The following TULP4 variants were observed in gnomAD, a reference collection of about 807,000 sequenced individuals.
The protein encoded by TULP4 is TUB like protein 4.
A neutral mutation model predicts 129.0 loss-of-function variants in TULP4; 16 were observed. The observed-to-expected ratio is 0.12, with a 90% CI of 0.08 to 0.19. The LOEUF (loss-of-function observed/expected upper bound fraction) is 0.19, where lower values mean the gene tolerates loss of function less well. Among genes scored for constraint, TULP4 ranks in the 10% least tolerant of loss-of-function variants. TULP4 has a pLI of 1.00. For synonymous variants in TULP4, 998 were observed against 854.0 expected, an observed-to-expected ratio of 1.17 and a Z score of -2.94; for missense variants, 1,842 against 2,059.1, an observed-to-expected ratio of 0.89 and a Z score of 2.04.
intron 1 of TULP4, among the ~76,000 whole-genome samples, chr6:158,353,362 T>A (rs1426830131): frequency 6.6e-6 from 1 of 152,260 alleles, no homozygotes; most frequent in Non-Finnish European, 1.5e-5. Context: ...ATAGATTGCT[T>A]ATATCCTACT....
intron 1 of TULP4, among the ~76,000 whole-genome samples, chr6:158,395,714 C>T (rs949683123): frequency 1.4e-5 from 2 of 147,498 alleles, no homozygotes; most frequent in Admixed American, 6.8e-5. Flanking sequence ...CTAGGGGTCA[C>T]TGTTTCTGTT....
At chr6:158,351,731 T>TC (rs1780529506) in intron 1 of TULP4, among the ~76,000 whole-genome samples, 1 of 138,234 alleles carries the variant, frequency 7.2e-6, no homozygotes, top group Non-Finnish European at 1.5e-5. Context: ...TTTTTTTTTT[T>TC]TTTTTGAGAC....
At chr6:158,325,394 C>T (rs1235695189) in intron 1 of TULP4, among the ~76,000 whole-genome samples, 1 of 142,880 alleles carries the variant, frequency 7.0e-6, no homozygotes, top group Non-Finnish European at 1.5e-5. Context: ...ACTCTGTCTC[C>T]CAGGCTGGAG....
At chr6:158,442,177 A>G (rs1365489673) in intron 3 of TULP4, among the ~76,000 whole-genome samples, 4 of 152,014 alleles carry the variant, frequency 2.6e-5, no homozygotes, top group Non-Finnish European at 5.9e-5. Context: ...TTGCACCACT[A>G]TTCCCCAGCT....
At position 158,501,669 on chromosome 6, in the gene TULP4, T is replaced by G. The variant is rs774717670; in HGVS notation, c.2015-9T>G. On this transcript the variant is annotated splice_polypyrimidine_tract_variant and intron_variant, in intron 12 of 13. Transcript: ENST00000367097. ...TTGTAAGCAGTTCCTTTTTCTAATTTTCTTCCAGTGACAGGAGCATCTGGT... is the reference window on the plus strand; with the variant it reads ...TTGTAAGCAGTTCCTTTTTCTAATTGTCTTCCAGTGACAGGAGCATCTGGT... 8 of 1,600,650 alleles carry G rather than the reference T, an allele frequency of 5.0e-6. No individual in the cohort carries two copies. The South Asian group carries it at 7.7e-5, about 15-fold the overall frequency.
intron 1 of TULP4, among the ~76,000 whole-genome samples, chr6:158,293,378 T>C (rs926701111): frequency 7.2e-5 from 11 of 152,222 alleles, no homozygotes; most frequent in African/African-American, 2.4e-4. Flanking sequence ...CCCACTTCCC[T>C]AAACTGAGGC....
At chr6:158,314,331 A>G (rs930735400) in intron 1 of TULP4, 63 bp downstream of exon 1, 1 of 1,559,334 alleles carries the variant, frequency 6.4e-7, no homozygotes, top group Non-Finnish European at 8.7e-7. Flanking sequence ...CCCCTTGTGG[A>G]CTTGAAACTT....
chr6:158,367,314 G>T (rs989927492), intron 1 of TULP4, among the ~76,000 whole-genome samples: 1 of 152,200 alleles, frequency 6.6e-6, no homozygotes, highest in Non-Finnish European at 1.5e-5. Context: ...GAGGGTAGGA[G>T]GAGGAGTCGT....
At chr6:158,416,654 T>C (rs1778217031) in intron 2 of TULP4, among the ~76,000 whole-genome samples, 1 of 152,114 alleles carries the variant, frequency 6.6e-6, no homozygotes, top group African/African-American at 2.4e-5. Flanking sequence ...GAAAGAACCA[T>C]TTTTTTAATG....
At chr6:158,255,152 C>T (rs933461902) in intron 1 of TULP4, among the ~76,000 whole-genome samples, 5 of 152,172 alleles carry the variant, frequency 3.3e-5, no homozygotes, top group African/African-American at 1.2e-4. Context: ...TGGCCTCCCT[C>T]TGCATGGATC....
chr6:158,367,392 ATTGT>A (rs1353970261), intron 1 of TULP4, among the ~76,000 whole-genome samples: 3 of 152,226 alleles, frequency 2.0e-5, no homozygotes, highest in Admixed American at 6.5e-5. Context: ...GATTGCTGGA[ATTGT>A]TTGTTTGTTT....
In TULP4 at chr6:158,502,401, C is replaced by T. The variant is rs199591747; in HGVS notation, c.2738C>T (p.Thr913Met). 1.5e-5 allele frequency: 24 copies of T among 1,613,774 alleles called. No individual in the cohort carries two copies. The Admixed American group carries it at 1.8e-4, about 12-fold the overall frequency. The change falls in exon 13 of 14, where the codon ACG (threonine) becomes ATG (methionine). Residue 913 changes from threonine to methionine, a missense_variant. Thr to Met is a moderately conservative substitution (Grantham distance 81). Coordinates refer to ENST00000367097, the MANE Select transcript of TULP4 (RefSeq NM_020245.5). ...PRTRMLCSQN[T>M]YTLPGPGSSA... ...ACCCGGATGCTGTGCTCCCAGAACA[C>T]GTACACCCTCCCCGGCCCGGGTAGC...
At position 158,388,316 on chromosome 6, in the gene TULP4, G is replaced by GTT. The variant is rs1377926300; in HGVS notation, c.253-24745_253-24744dup. Among the ~76,000 whole-genome samples, 649 of 92,646 alleles carry GTT rather than the reference G, an allele frequency of 7.0e-3. 22 individuals are homozygous for GTT. Among genetic ancestry groups the GTT allele is most frequent in the Non-Finnish European group, 9.5e-3 (458 of 47,992 alleles). 60.8% of individuals were successfully genotyped at this position (92,646 alleles called of 152,430 possible). ...TTGTTTAAAGAAAAATAATCTGCTCGTTTTTCTTTTTTTTTTTTTTTTTTT... is the reference window on the plus strand; with the variant it reads ...TTGTTTAAAGAAAAATAATCTGCTCGTTTTTTTCTTTTTTTTTTTTTTTTTTT... On this transcript the variant is annotated intron_variant, in intron 1 of 13. Coordinates refer to ENST00000367097, the MANE Select transcript of TULP4 (RefSeq NM_020245.5).
chr6:158,506,006 A>C (rs534779912), intron 13 of TULP4, among the ~76,000 whole-genome samples: 1 of 151,944 alleles, frequency 6.6e-6, no homozygotes, highest in South Asian at 2.1e-4. Context: ...TCACGGATGG[A>C]GCTGGAGGCC....
chr6:158,236,023 C>T (rs1471105841), intron 1 of TULP4, among the ~76,000 whole-genome samples: 6 of 152,214 alleles, frequency 3.9e-5, no homozygotes, highest in African/African-American at 1.4e-4. Flanking sequence ...AGCACATCTT[C>T]CTGAAATTGC....
intron 5 of TULP4, among the ~76,000 whole-genome samples, chr6:158,454,391 C>T (rs533662988): frequency 6.6e-6 from 1 of 152,036 alleles, no homozygotes; most frequent in Non-Finnish European, 1.5e-5. Context: ...ACCTTTAAAC[C>T]AAGTTTATTA....
intron 4 of TULP4, among the ~76,000 whole-genome samples, chr6:158,450,882 C>T (rs1779149157): frequency 6.6e-6 from 1 of 151,936 alleles, no homozygotes; most frequent in African/African-American, 2.4e-5. Flanking sequence ...CGCTGAAATC[C>T]CGTCTCTACT....
intron 1 of TULP4, among the ~76,000 whole-genome samples, chr6:158,284,447 C>T (rs1778804972): frequency 6.6e-6 from 1 of 152,234 alleles, no homozygotes; most frequent in Admixed American, 6.5e-5. Context: ...CCTCTACCCG[C>T]TGCTGAAGAG....
chr6:158,336,233 C>T (rs745876891), intron 1 of TULP4, among the ~76,000 whole-genome samples: 1 of 152,140 alleles, frequency 6.6e-6, no homozygotes, highest in African/African-American at 2.4e-5. Flanking sequence ...TTTTAAAAAT[C>T]TTGTGAATTG....
Sources: gnomAD v4.1 joint callset for allele counts (sites outside exome capture counted in the v4.1 genomes callset) on GRCh38, gnomAD v4.1.1 for gene constraint, MANE v1.5 for transcripts, NCBI Gene and HGNC (gene_info 2026-07-23, HGNC 2026-07-21) for gene names.